KIDINS220: variants seen among roughly 807,000 people sequenced by gnomAD.
KIDINS220 encodes kinase D interacting substrate 220, also known as kinase D-interacting substrate of 220 kDa.
KIDINS220 carries 63 observed loss-of-function variants against 157.6 expected under a neutral mutation model. That is an observed-to-expected ratio of 0.40 (90% CI 0.33 to 0.49). The LOEUF (loss-of-function observed/expected upper bound fraction) is 0.49. Among genes scored for constraint, KIDINS220 ranks in the 20% least tolerant of loss-of-function variants. The pLI, the probability that KIDINS220 is intolerant of heterozygous loss-of-function variation, is 0.66. For missense variants in KIDINS220, 1,772 were observed against 2,171.2 expected, an observed-to-expected ratio of 0.82 and a Z score of 3.65; for synonymous variants, 732 against 783.6, an observed-to-expected ratio of 0.93 and a Z score of 1.10.
intron 11 of KIDINS220, among the ~76,000 whole-genome samples, chr2:8,795,300 A>C (rs189677501): frequency 8.5e-5 from 13 of 152,242 alleles, no homozygotes; most frequent in South Asian, 2.1e-4. Context: ...ATTTCATCTT[A>C]TTTTCCCATC....
intron 1 of KIDINS220, among the ~76,000 whole-genome samples, chr2:8,830,148 T>C (rs1679399640): frequency 1.3e-5 from 2 of 152,182 alleles, no homozygotes; most frequent in South Asian, 4.1e-4. Context: ...CCACACTCAG[T>C]GCCTTAGTTT....
At chr2:8,738,307 C>G (rs1462707739) in intron 26 of KIDINS220, among the ~76,000 whole-genome samples, 3 of 152,154 alleles carry the variant, frequency 2.0e-5, no homozygotes, top group Non-Finnish European at 2.9e-5. Flanking sequence ...ACAGTGAGTG[C>G]ACACATGATC....
chr2:8,767,934 T>C (rs1669687157), intron 22 of KIDINS220, among the ~76,000 whole-genome samples: 1 of 152,186 alleles, frequency 6.6e-6, no homozygotes, highest in African/African-American at 2.4e-5. Flanking sequence ...TTAGAACTTA[T>C]TCAACTGTTC....
intron 4 of KIDINS220, among the ~76,000 whole-genome samples, chr2:8,816,284 T>C (rs1677064292): frequency 6.6e-6 from 1 of 152,228 alleles, no homozygotes; most frequent in South Asian, 2.1e-4. Context: ...TGTAAAACAA[T>C]GATAGAGGAG....
At chr2:8,734,318 T>A (rs1288310007) in intron 28 of KIDINS220, among the ~76,000 whole-genome samples, 2 of 152,108 alleles carry the variant, frequency 1.3e-5, no homozygotes, top group Non-Finnish European at 2.9e-5. Flanking sequence ...GCAAGCCCTA[T>A]AAGGATGAAT....
intron 17 of KIDINS220, 36 bp from the exon 18 acceptor site, chr2:8,779,850 GA>G (rs1418056079): frequency 6.9e-6 from 11 of 1,601,068 alleles, no homozygotes; most frequent in Non-Finnish European, 9.4e-6. Flanking sequence ...AGCACTGAAG[GA>G]AGATCCAAGA....
chr2:8,731,351 G>T lies in KIDINS220; in HGVS notation c.4685C>A (p.Pro1562Gln). The T allele has an allele frequency of 6.2e-7, 1 of 1,614,162 alleles. No individual in the cohort carries two copies. Among genetic ancestry groups the T allele is most frequent in the African/African-American group, 1.3e-5 (1 of 75,040 alleles). The part of the protein sequence containing the change: ...VPKSPEHSAE[P>Q]IRTFIKAKEY... ...TTTGGCTTTAATGAAGGTTCTGATC[G>T]GCTCAGCACTGTGTTCTGGAGACTT... Residue 1562 changes from proline to glutamine, a missense_variant, in exon 30 of 30, where the codon CCG (proline) becomes CAG (glutamine). Physicochemically the swap from Pro to Gln is moderately conservative, Grantham distance 76. This residue lies in a region of KIDINS220 where 793 missense variants were observed against 885.5 expected (regional missense o/e 0.90). Transcript: ENST00000256707. This position sits in a 1 kb window ranked among gnomAD's most constrained non-coding sequence, Gnocchi z 5.2.
At chr2:8,790,290 G>A (rs57620282) in intron 13 of KIDINS220, among the ~76,000 whole-genome samples, 2,426 of 152,192 alleles carry the variant, frequency 0.016, 70 homozygotes, top group African/African-American at 0.056. Flanking sequence ...CCTGCTTCAC[G>A]TGGAGGATGT....
intron 22 of KIDINS220, among the ~76,000 whole-genome samples, chr2:8,755,518 C>T (rs1667897007): frequency 6.6e-6 from 1 of 152,208 alleles, no homozygotes; most frequent in African/African-American, 2.4e-5. Flanking sequence ...ATAAACTACA[C>T]ATGCACACAA....
Position 8,832,516 on chromosome 2 carries a change from C to T in KIDINS220, c.-37+4964G>A, listed in dbSNP as rs966257026. Among the ~76,000 whole-genome samples, 4 of 152,122 alleles carry T rather than the reference C, an allele frequency of 2.6e-5. No individual in the cohort carries two copies. In the East Asian group the frequency reaches 7.7e-4, roughly 29 times the overall value. On this transcript the variant is annotated intron_variant, in intron 1 of 29. Transcript: ENST00000256707. The stretch of plus-strand genomic sequence containing the variant: ...ATAAGACCCCCATATATGTATCTAT[C>T]CAGTGTGTACACATGAACAAAAAGA...
At position 8,731,709 on chromosome 2, in the gene KIDINS220, G is replaced by C. The variant is rs1268662546; in HGVS notation, c.4327C>G (p.Pro1443Ala). The stretch of plus-strand genomic sequence containing the variant: ...AGAAAGGACTTCCTCCCATCATCGG[G>C]CTTTGGTTCACTATCCTTCCCCTTT... ...QEKGKDSEPK[P>A]DDGRKSFLMK... Residue 1443 changes from proline (P) to alanine (A), a missense_variant, in exon 30 of 30, where the codon CCC becomes GCC. Pro to Ala is a conservative substitution (Grantham distance 27). Transcript: ENST00000256707. This position sits in a 1 kb window ranked among gnomAD's most constrained non-coding sequence, Gnocchi z 5.2. 2 of 1,614,124 alleles carry C rather than the reference G, an allele frequency of 1.2e-6. No individual in the cohort carries two copies. Among genetic ancestry groups the C allele is most frequent in the Non-Finnish European group, 1.7e-6 (2 of 1,180,028 alleles).
intron 2 of KIDINS220, among the ~76,000 whole-genome samples, chr2:8,822,813 A>G (rs1001157233): frequency 2.0e-5 from 3 of 152,096 alleles, no homozygotes; most frequent in Non-Finnish European, 4.4e-5. Context: ...ACTCTTCACT[A>G]CTCTATAAAG....
chr2:8,808,389 G>A (rs557385249), intron 6 of KIDINS220, among the ~76,000 whole-genome samples: 26 of 152,220 alleles, frequency 1.7e-4, no homozygotes, highest in African/African-American at 5.8e-4. Context: ...AATATCTATT[G>A]TATTGGATTT....
At chr2:8,724,317 C>A (rs1663145061), downstream of KIDINS220, 2 of 152,214 alleles carry the variant, frequency 1.3e-5, no homozygotes, top group South Asian at 2.1e-4. This position sits in a 1 kb window ranked among gnomAD's most constrained non-coding sequence, Gnocchi z 4.6. Flanking sequence ...GGTGCGATCT[C>A]GGCTCACTGC....
intron 24 of KIDINS220, among the ~76,000 whole-genome samples, chr2:8,749,644 T>G (rs1667039803): frequency 1.3e-5 from 2 of 152,150 alleles, no homozygotes; most frequent in African/African-American, 4.8e-5. Flanking sequence ...AACATCTGAG[T>G]TCCACAGCAG....
chr2:8,821,889 TATGTC>T (rs1320663578), intron 2 of KIDINS220, among the ~76,000 whole-genome samples: 4 of 152,184 alleles, frequency 2.6e-5, no homozygotes, highest in Middle Eastern at 3.2e-3. Flanking sequence ...TAGAGTAACT[TATGTC>T]ATGAAAACTT....
chr2:8,828,567 C>A (rs930251188), intron 1 of KIDINS220, among the ~76,000 whole-genome samples: 1 of 152,134 alleles, frequency 6.6e-6, no homozygotes, highest in African/African-American at 2.4e-5. Context: ...GGTGCTAACT[C>A]AAAATTGACC....
chr2:8,767,153 A>G (rs1224909795), intron 22 of KIDINS220, among the ~76,000 whole-genome samples: 2 of 152,214 alleles, frequency 1.3e-5, no homozygotes, highest in East Asian at 3.8e-4. Context: ...AATTTTACAA[A>G]TAACTAGATC....
At chr2:8,762,832 A>G (rs1194466160) in intron 22 of KIDINS220, among the ~76,000 whole-genome samples, 1 of 152,252 alleles carries the variant, frequency 6.6e-6, no homozygotes, top group Non-Finnish European at 1.5e-5. Flanking sequence ...GAAATGGTAT[A>G]AAGGCTTAAA....
Sources: gnomAD v4.1 joint callset for allele counts (sites outside exome capture counted in the v4.1 genomes callset) on GRCh38, gnomAD v4.1.1 for gene constraint, gnomAD v4.1.1 regional missense constraint, Gnocchi (gnomAD v3.1) non-coding constraint, MANE v1.5 for transcripts, NCBI Gene and HGNC (gene_info 2026-07-23, HGNC 2026-07-21) for gene names.